The following SLC1A1 variants were observed in gnomAD, a reference collection of about 807,000 sequenced individuals.
The protein encoded by SLC1A1 is solute carrier family 1 member 1.
SLC1A1 carries 43 observed loss-of-function variants against 53.3 expected under a neutral mutation model. That is an observed-to-expected ratio of 0.81 (90% CI 0.63 to 1.04). The LOEUF (loss-of-function observed/expected upper bound fraction) is 1.04, where lower values mean the gene tolerates loss of function less well. Among genes scored for constraint, SLC1A1 ranks in the 50% least tolerant of loss-of-function variants. The pLI, the probability that SLC1A1 is intolerant of heterozygous loss-of-function variation, is 0.00. For synonymous variants in SLC1A1, 307 were observed against 243.2 expected (o/e 1.26, Z -2.44); for missense variants, 748 against 664.9 (o/e 1.12, Z -1.37).
chr9:4,494,612 C>T (rs953046367), intron 1 of SLC1A1, among the ~76,000 whole-genome samples: 10 of 151,308 alleles, frequency 6.6e-5, no homozygotes, highest in Non-Finnish European at 1.5e-4. Flanking sequence ...TTGTGCCCCA[C>T]CGGCTAATCC....
chr9:4,499,909 G>A (rs2130798042), intron 1 of SLC1A1, among the ~76,000 whole-genome samples: 1 of 152,294 alleles, frequency 6.6e-6, no homozygotes, highest in South Asian at 2.1e-4. Flanking sequence ...TTCAGGATGT[G>A]GTGGAGCTCA....
At chr9:4,495,094 G>T (rs1311209766) in intron 1 of SLC1A1, among the ~76,000 whole-genome samples, 5 of 152,084 alleles carry the variant, frequency 3.3e-5, no homozygotes, top group Non-Finnish European at 5.9e-5. Flanking sequence ...GCCCAGCCTC[G>T]TGTCTCTACC....
Position 4,585,464 on chromosome 9 carries a change from A to T in SLC1A1, c.1481A>T (p.Asn494Ile), listed in dbSNP as rs752550653. The T allele has an allele frequency of 6.2e-7, 1 of 1,614,218 alleles. No homozygotes were observed. Among genetic ancestry groups the T allele is most frequent in the Non-Finnish European group, 8.5e-7 (1 of 1,180,034 alleles). Residue 494 changes from asparagine (N) to isoleucine (I), a missense_variant, in exon 12 of 12, where the codon AAC becomes ATC. Asn to Ile is a moderately radical substitution (Grantham distance 149). Transcript: ENST00000262352. ...GCCTTGGAATCCACAATCCTTGACA[A>T]CGAAGACTCAGACACCAAGAAGTCT... is the stretch of plus-strand genomic sequence containing the variant. ...PFALESTILD[N>I]EDSDTKKSYV...
In SLC1A1 at chr9:4,549,630, A is replaced by G. The variant is rs949816462; in HGVS notation, c.232+4923A>G. ...AGTTCTAAGAAGGAAAAATTCCGCT[A>G]TCACACAGGCCATCCTGTCCTGACC... On this transcript the variant is annotated intron_variant, in intron 2 of 11. Coordinates refer to ENST00000262352, the MANE Select transcript of SLC1A1 (RefSeq NM_004170.6). This position sits in a 1 kb window ranked among gnomAD's most constrained non-coding sequence, Gnocchi z 4.1. Among the ~76,000 whole-genome samples the G allele has an allele frequency of 6.6e-6, 1 of 152,144 alleles. No homozygotes were observed. Among genetic ancestry groups the G allele is most frequent in the African/African-American group, 2.4e-5 (1 of 41,440 alleles).
At chr9:4,532,059 T>C (rs1039398164) in intron 1 of SLC1A1, among the ~76,000 whole-genome samples, 4 of 152,050 alleles carry the variant, frequency 2.6e-5, no homozygotes, top group African/African-American at 9.6e-5. Flanking sequence ...CATCTGTACA[T>C]CACCATCATC....
chr9:4,513,887 C>G (rs1047071663), intron 1 of SLC1A1, among the ~76,000 whole-genome samples: 1 of 152,114 alleles, frequency 6.6e-6, no homozygotes, highest in Admixed American at 6.6e-5. Context: ...TTGATACGTA[C>G]AAAACTCAGA....
chr9:4,546,794 G>C (rs1298347162), intron 2 of SLC1A1, among the ~76,000 whole-genome samples: 2 of 152,176 alleles, frequency 1.3e-5, no homozygotes, highest in Non-Finnish European at 2.9e-5. Context: ...ACTGCATCCA[G>C]CCCAAGATTC....
chr9:4,530,013 T>C (rs1055772415), intron 1 of SLC1A1, among the ~76,000 whole-genome samples: 2 of 152,150 alleles, frequency 1.3e-5, no homozygotes, highest in Non-Finnish European at 2.9e-5. Flanking sequence ...TTAGACCAAA[T>C]AGGCTGAGAG....
Position 4,500,614 on chromosome 9 carries a change from G to C in SLC1A1, c.91+9844G>C, listed in dbSNP as rs528771915. Among the ~76,000 whole-genome samples the C allele has an allele frequency of 1.4e-3, 210 of 152,192 alleles. 1 individual carries two copies. The highest frequency in any genetic ancestry group is 4.8e-3 in the African/African-American group (201 of 41,532). ...GTGTGAGCCACTGCACTGCGCCCAAGAAACTGATTTAGAAAGAGTTAATAC... is the reference window on the plus strand; with the variant it reads ...GTGTGAGCCACTGCACTGCGCCCAACAAACTGATTTAGAAAGAGTTAATAC... On this transcript the variant is annotated intron_variant, in intron 1 of 11. Transcript: ENST00000262352.
At chr9:4,507,671 C>T (rs527608718) in intron 1 of SLC1A1, among the ~76,000 whole-genome samples, 3 of 152,052 alleles carry the variant, frequency 2.0e-5, no homozygotes, top group Non-Finnish European at 2.9e-5. Context: ...ACCTAAGGAA[C>T]GGGCTGAAGA....
intron 1 of SLC1A1, among the ~76,000 whole-genome samples, chr9:4,533,863 C>T (rs1305242373): frequency 6.6e-6 from 1 of 152,200 alleles, no homozygotes; most frequent in Non-Finnish European, 1.5e-5. Flanking sequence ...AACTGTCTCT[C>T]AGACCACAGT....
intron 1 of SLC1A1, among the ~76,000 whole-genome samples, chr9:4,544,325 G>A (rs540726374): frequency 6.6e-6 from 1 of 152,112 alleles, no homozygotes; most frequent in Non-Finnish European, 1.5e-5. Context: ...TGATAGCGAA[G>A]AAATGACAAC....
At chr9:4,517,111 A>G (rs1821186769) in intron 1 of SLC1A1, among the ~76,000 whole-genome samples, 1 of 152,216 alleles carries the variant, frequency 6.6e-6, no homozygotes, top group South Asian at 2.1e-4. Context: ...ATAACGTATT[A>G]TAAAAGTGTT....
chr9:4,562,815 A>G (rs1292683864), intron 3 of SLC1A1, among the ~76,000 whole-genome samples: 2 of 152,024 alleles, frequency 1.3e-5, no homozygotes, highest in East Asian at 3.9e-4. Flanking sequence ...CCAGTCTATC[A>G]TTGTTGGACA....
intron 8 of SLC1A1, among the ~76,000 whole-genome samples, chr9:4,574,899 C>T (rs1366895644): frequency 6.6e-6 from 1 of 152,170 alleles, no homozygotes; most frequent in Non-Finnish European, 1.5e-5. Context: ...GCCCTGCCAG[C>T]CAACACAGAG....
rs1330688 is a variant in SLC1A1 at position 4,549,453 on chromosome 9, C to T, written c.232+4746C>T. On this transcript the variant is annotated intron_variant, in intron 2 of 11. Coordinates refer to ENST00000262352, the MANE Select transcript of SLC1A1 (RefSeq NM_004170.6). The surrounding 1 kb of genome is among the most constrained non-coding windows in gnomAD (Gnocchi z 4.1). ...AGGTAACCAAAAGCAGATGAAACAC[C>T]AATGGTGACATCCAACTGCTCCCTG... 0.97 allele frequency among the ~76,000 whole-genome samples: 147,693 copies of T among 152,290 alleles called. 71,775 individuals carry two copies. The highest frequency in any genetic ancestry group is 1 in the East Asian group (5,170 of 5,170).
intron 2 of SLC1A1, among the ~76,000 whole-genome samples, chr9:4,550,308 T>C (rs929483887): frequency 1.1e-4 from 16 of 152,236 alleles, no homozygotes; most frequent in African/African-American, 3.6e-4. Context: ...TTTTAGATGA[T>C]TGTTACTCCA....
At chr9:4,575,908 A>G in intron 8 of SLC1A1, 93 bp from the exon 9 acceptor site, 1 of 1,477,038 alleles carries the variant, frequency 6.8e-7, no homozygotes, top group Non-Finnish European at 9.4e-7. Flanking sequence ...AAAGTCAAAC[A>G]ATTTTATAAA....
chr9:4,554,940 A>G (rs1485453333), intron 2 of SLC1A1, among the ~76,000 whole-genome samples: 5 of 152,224 alleles, frequency 3.3e-5, no homozygotes, highest in Non-Finnish European at 7.3e-5. Context: ...TTTACTAAGA[A>G]CACACTGTGT....
Sources: gnomAD v4.1 joint callset for allele counts (sites outside exome capture counted in the v4.1 genomes callset) on GRCh38, gnomAD v4.1.1 for gene constraint, Gnocchi (gnomAD v3.1) non-coding constraint, MANE v1.5 for transcripts, NCBI Gene and HGNC (gene_info 2026-07-23, HGNC 2026-07-21) for gene names.